Variants in CHRM3 observed in about 807,000 individuals in gnomAD.
CHRM3 encodes cholinergic receptor muscarinic 3.
Under a neutral mutation model 41.8 loss-of-function variants are expected in CHRM3, and 11 were observed. The observed-to-expected ratio is 0.26, with a 90% CI of 0.17 to 0.44. The LOEUF is 0.44. CHRM3 is among the 20% of genes least tolerant of loss of function. The pLI is 1.00. For synonymous variants in CHRM3, 297 were observed against 301.4 expected (o/e 0.99, Z 0.15); for missense variants, 571 against 745.4 (o/e 0.77, Z 2.72).
intron 6 of CHRM3, among the ~76,000 whole-genome samples, chr1:239,889,493 CA>C (rs1405794453): frequency 6.6e-6 from 1 of 152,154 alleles, no homozygotes; most frequent in East Asian, 1.9e-4. Context: ...TTCCCCTGTA[CA>C]AGCTTCCAGC....
At chr1:239,512,814 G>GAA (rs111916947) in intron 2 of CHRM3, among the ~76,000 whole-genome samples, 1,932 of 147,130 alleles carry the variant, frequency 0.013, 39 homozygotes, top group African/African-American at 0.045. Flanking sequence ...CCTCTTTCTT[G>GAA]AAAAAAAAAA....
chr1:239,445,849 A>G (rs1558229927), intron 1 of CHRM3, among the ~76,000 whole-genome samples: 2 of 152,310 alleles, frequency 1.3e-5, no homozygotes, highest in African/African-American at 4.8e-5. Flanking sequence ...GAAGTATAGT[A>G]TAATGGGAAA....
intron 2 of CHRM3, among the ~76,000 whole-genome samples, chr1:239,494,028 TG>T (rs1667726520): frequency 6.6e-6 from 1 of 152,210 alleles, no homozygotes; most frequent in Admixed American, 6.5e-5. Context: ...TGGTAATGTA[TG>T]GGCTCTTGGC....
At chr1:239,902,696 G>A (rs12036141) in intron 6 of CHRM3, among the ~76,000 whole-genome samples, 71,398 of 151,818 alleles carry the variant, frequency 0.47, 17,325 homozygotes, top group African/African-American at 0.59. Flanking sequence ...TTCTTTTCTC[G>A]TTGCTTTAAT....
chr1:239,675,791 CATG>C (rs1403281904), intron 4 of CHRM3, among the ~76,000 whole-genome samples: 2 of 152,122 alleles, frequency 1.3e-5, no homozygotes, highest in Admixed American at 1.3e-4. Context: ...CTCTCACCTT[CATG>C]ATAAGATATT....
intron 6 of CHRM3, among the ~76,000 whole-genome samples, chr1:239,881,137 G>A (rs372936671): frequency 3.9e-4 from 59 of 151,882 alleles, no homozygotes; most frequent in African/African-American, 1.2e-3. Context: ...CAAAAAATTA[G>A]CCGGGCGTGG....
intron 3 of CHRM3, among the ~76,000 whole-genome samples, chr1:239,587,010 C>T (rs1663482706): frequency 6.6e-6 from 1 of 152,194 alleles, no homozygotes; most frequent in African/African-American, 2.4e-5. Context: ...CCTACTAACT[C>T]CTCAAGCCTA....
At chr1:239,629,077 A>C (rs1669424727) in intron 3 of CHRM3, 1 of 107,580 alleles carries the variant, frequency 9.3e-6, no homozygotes, top group Non-Finnish European at 1.9e-5. Flanking sequence ...AAGCCTGGGC[A>C]ATGGCGGGCG....
At chr1:239,731,627 T>G (rs545545348) in intron 5 of CHRM3, among the ~76,000 whole-genome samples, 10 of 151,506 alleles carry the variant, frequency 6.6e-5, no homozygotes, top group African/African-American at 2.4e-4. Context: ...TAGAGTGGAG[T>G]GAGTGTGAAT....
chr1:239,799,256 G>A (rs1465164511), intron 5 of CHRM3, among the ~76,000 whole-genome samples: 1 of 152,166 alleles, frequency 6.6e-6, no homozygotes, highest in African/African-American at 2.4e-5. Context: ...CTTAAGTGAT[G>A]AGGAGTGGAG....
intron 5 of CHRM3, among the ~76,000 whole-genome samples, chr1:239,758,494 T>C (rs1038996095): frequency 6.6e-6 from 1 of 152,190 alleles, no homozygotes; most frequent in Non-Finnish European, 1.5e-5. Context: ...TGGTTGGCAA[T>C]TGCTTATTGG....
At chr1:239,408,211 T>A (rs1352210752) in intron 1 of CHRM3, 3 of 152,102 alleles carry the variant, frequency 2.0e-5, no homozygotes. Flanking sequence ...TGCTGCCGTG[T>A]GAGGACAGAC....
rs533731174 is a variant in CHRM3, at chr1:239,821,286, A to G, written c.-146-5966A>G. ...ACATATACACATTGATCTCTGTTTT[A>G]TCTGACATAAAAATGGCATTTGTAA... is the stretch of plus-strand genomic sequence containing the variant. On this transcript the variant is annotated intron_variant, in intron 5 of 6. Coordinates refer to ENST00000676153, the MANE Select transcript of CHRM3 (RefSeq NM_001375978.1). 1.3e-4 allele frequency among the ~76,000 whole-genome samples: 20 copies of G among 152,370 alleles called. No homozygotes were observed. The South Asian group carries it at 4.1e-3, about 32-fold the overall frequency.
chr1:239,875,503 C>T (rs1307227186), intron 6 of CHRM3, among the ~76,000 whole-genome samples: 1 of 152,204 alleles, frequency 6.6e-6, no homozygotes, highest in Non-Finnish European at 1.5e-5. Flanking sequence ...TCTCAATCGT[C>T]TTTATATTTC....
At chr1:239,402,123 C>A (rs1660029675) in intron 1 of CHRM3, among the ~76,000 whole-genome samples, 1 of 152,108 alleles carries the variant, frequency 6.6e-6, no homozygotes, top group Non-Finnish European at 1.5e-5. Context: ...CAAAGAATAT[C>A]CATCAGGCAC....
chr1:239,651,838 G>A (rs1672263304), intron 4 of CHRM3, among the ~76,000 whole-genome samples: 1 of 152,040 alleles, frequency 6.6e-6, no homozygotes, highest in Non-Finnish European at 1.5e-5. Context: ...CAAGGGAATG[G>A]GCTCCAGACA....
At chr1:239,581,730 T>C (rs535177636) in intron 3 of CHRM3, among the ~76,000 whole-genome samples, 21 of 152,296 alleles carry the variant, frequency 1.4e-4, no homozygotes, top group Admixed American at 3.9e-4. Flanking sequence ...ATTTTATAAA[T>C]GATGAATATG....
chr1:239,548,037 A>G (rs1277589074), intron 3 of CHRM3, among the ~76,000 whole-genome samples: 1 of 152,180 alleles, frequency 6.6e-6, no homozygotes, highest in Non-Finnish European at 1.5e-5. Flanking sequence ...AAAATGTTTC[A>G]CAAAGTGATG....
intron 4 of CHRM3, among the ~76,000 whole-genome samples, chr1:239,643,095 C>T (rs572182638): frequency 1.4e-4 from 22 of 152,268 alleles, no homozygotes; most frequent in South Asian, 1.0e-3. Flanking sequence ...TCGTGATCCG[C>T]GAATCCTGCT....
Sources: allele counts gnomAD v4.1 joint callset (sites outside exome capture counted in the v4.1 genomes callset), GRCh38; gene constraint gnomAD v4.1.1; transcripts MANE v1.5; gene names NCBI Gene and HGNC (gene_info 2026-07-23, HGNC 2026-07-21).